SETD9: variants seen among roughly 807,000 people sequenced by gnomAD.
SETD9 encodes the protein SET domain-containing protein 9.
In SETD9, 37 loss-of-function variants were observed where a neutral mutation model predicts 36.4. The observed-to-expected ratio is 1.02, with a 90% confidence interval of 0.78 to 1.34. The LOEUF (loss-of-function observed/expected upper bound fraction) is 1.34, where lower values mean the gene tolerates loss of function less well. SETD9 is among the 40% of genes most tolerant of loss of function. The pLI is 0.00. For missense variants in SETD9, 323 were observed against 353.2 expected (o/e 0.91, Z 0.69); for synonymous variants, 128 against 132.9 (o/e 0.96, Z 0.26).
At chr5:56,909,394 C>A (rs772316984), upstream of SETD9, 173 of 388,716 alleles carry the variant, frequency 4.5e-4, 1 homozygote, top group Admixed American at 8.1e-4. Context: ...AGCACCCGAG[C>A]GACCGGAGAA....
Position 56,913,121 on chromosome 5 carries a change from A to C in SETD9, c.577A>C (p.Lys193Gln). The C allele has an allele frequency of 1.2e-6, 2 of 1,614,098 alleles. No individual in the cohort carries two copies. Among genetic ancestry groups the C allele is most frequent in the Non-Finnish European group, 1.7e-6 (2 of 1,179,992 alleles). ...LIDGNDKGIS[K>Q]VVYRSCNGRD... ...TGATGGGAATGACAAAGGGATATCA[A>C]AAGTTGTGTACAGGTAAGTGATGCC... is the stretch of plus-strand genomic sequence containing the variant. Residue 193 changes from lysine to glutamine, a missense_variant, in exon 3 of 6, where the codon AAA (lysine) becomes CAA (glutamine). Lys to Gln is a moderately conservative substitution (Grantham distance 53, BLOSUM62 1). Coordinates refer to ENST00000285947, the MANE Select transcript of SETD9 (RefSeq NM_153706.4).
intron 1 of SETD9, chr5:56,910,054 G>A (rs912450460): frequency 1.5e-6 from 2 of 1,296,024 alleles, no homozygotes; most frequent in Non-Finnish European, 9.9e-7. Context: ...CTGCGCTGCC[G>A]GGCCCGCGAG....
intron 5 of SETD9, among the ~76,000 whole-genome samples, chr5:56,925,063 G>A (rs1749895816): frequency 6.6e-6 from 1 of 152,138 alleles, no homozygotes; most frequent in Non-Finnish European, 1.5e-5. Context: ...GGACATAACT[G>A]TTTACGGAAT....
At chr5:56,909,831 A>C in intron 1 of SETD9, 88 bp downstream of exon 1, 3 of 1,144,768 alleles carry the variant, frequency 2.6e-6, no homozygotes, top group Non-Finnish European at 3.5e-6. Context: ...GGAGAGCCTG[A>C]GGCTGACTGC....
chr5:56,913,428 G>C (rs1579812272), intron 3 of SETD9, among the ~76,000 whole-genome samples: 1 of 150,182 alleles, frequency 6.7e-6, no homozygotes, highest in African/African-American at 2.5e-5. Context: ...CTGTCGCCCA[G>C]GCTGGAGTGC....
Position 56,917,314 on chromosome 5 carries a change from G to C in SETD9, c.*412G>C, listed in dbSNP as rs1001679006. ...GTAAAAACTTTATTTTTACAGAATT[G>C]AGTAAAAAATACCTATTGTGTTGCC... On this transcript the variant is annotated 3_prime_UTR_variant, in exon 6 of 6. Coordinates refer to ENST00000285947, the MANE Select transcript of SETD9 (RefSeq NM_153706.4). The C allele has an allele frequency of 2.0e-6, 2 of 988,682 alleles. No homozygotes were observed. The highest frequency in any genetic ancestry group is 3.5e-5 in the African/African-American group (2 of 57,234). 61.2% of individuals were successfully genotyped at this position (988,682 alleles called of 1,614,324 possible).
chr5:56,927,007 T>C (rs1386479210), downstream of SETD9, among the ~76,000 whole-genome samples: 1 of 152,166 alleles, frequency 6.6e-6, no homozygotes, highest in Admixed American at 6.5e-5. Flanking sequence ...GCATACTGTA[T>C]AATTCCAACT....
intron 5 of SETD9, chr5:56,922,910 A>G (rs933635599): frequency 3.7e-6 from 2 of 547,194 alleles, no homozygotes; most frequent in Non-Finnish European, 6.5e-6. Context: ...ACAGAGTTCA[A>G]TCTTAGTTCC....
chr5:56,910,053 CG>C, intron 1 of SETD9: 2 of 1,298,630 alleles, frequency 1.5e-6, no homozygotes, highest in Middle Eastern at 3.1e-4. Flanking sequence ...GCTGCGCTGC[CG>C]GGCCCGCGAG....
At chr5:56,923,442 T>C in intron 5 of SETD9, 1 of 1,614,176 alleles carries the variant, frequency 6.2e-7, no homozygotes, top group Admixed American at 1.7e-5. Context: ...CTTTCCCCAT[T>C]GCTGGGCAGG....
At chr5:56,924,297 G>A (rs1000029254) in intron 5 of SETD9, among the ~76,000 whole-genome samples, 2 of 151,964 alleles carry the variant, frequency 1.3e-5, no homozygotes, top group Non-Finnish European at 2.9e-5. Context: ...TATAAAACAA[G>A]TGTGTATCCA....
rs1749471427 is a variant in SETD9 at position 56,917,107 on chromosome 5, A to G, written c.*205A>G. Reference sequence around the variant, plus strand: ...GCTTCATTACAATTTCAAATTTGTAATGCAATTCCAAGTTTAATTGGTTTT... The same window carrying G: ...GCTTCATTACAATTTCAAATTTGTAGTGCAATTCCAAGTTTAATTGGTTTT... On this transcript the variant is annotated 3_prime_UTR_variant, in exon 6 of 6. Coordinates refer to ENST00000285947, the MANE Select transcript of SETD9 (RefSeq NM_153706.4). 8.0e-7 allele frequency: 1 copy of G among 1,246,060 alleles called. No homozygotes were observed. The highest frequency in any genetic ancestry group is 1.6e-5 in the African/African-American group (1 of 63,152). 77.2% of individuals were successfully genotyped at this position (1,246,060 alleles called of 1,614,324 possible). A position where few individuals can be genotyped will look rare whatever the true frequency, so the allele number is the denominator to read the frequency against.
At chr5:56,925,028 A>G (rs1749893831) in intron 5 of SETD9, among the ~76,000 whole-genome samples, 1 of 152,230 alleles carries the variant, frequency 6.6e-6, no homozygotes, top group Non-Finnish European at 1.5e-5. Flanking sequence ...AGTGCCTAAA[A>G]CAATGTCTGG....
At chr5:56,909,520 G>A, upstream of SETD9, 3 of 639,286 alleles carry the variant, frequency 4.7e-6, no homozygotes, top group East Asian at 6.5e-5. Context: ...GCGGTGCCAG[G>A]AACACTGAGA....
intron 5 of SETD9, among the ~76,000 whole-genome samples, chr5:56,915,991 T>C (rs1345125967): frequency 6.6e-6 from 1 of 151,672 alleles, no homozygotes; most frequent in South Asian, 2.1e-4. Flanking sequence ...AACCAAAAAC[T>C]TGATAACTTT....
downstream of SETD9, chr5:56,928,206 G>C (rs1446127809): frequency 6.6e-6 from 1 of 152,194 alleles, no homozygotes; most frequent in Non-Finnish European, 1.5e-5. Context: ...CAACGCATTT[G>C]GGTAAATGCC....
intron 2 of SETD9, 21 bp from the exon 3 acceptor site, chr5:56,912,990 C>A: frequency 1.2e-6 from 2 of 1,606,682 alleles, no homozygotes; most frequent in Non-Finnish European, 1.7e-6. Flanking sequence ...TATCATATTT[C>A]TTTGTCTTGT....
chr5:56,918,783 T>G (rs1749530367), downstream of SETD9, among the ~76,000 whole-genome samples: 1 of 152,162 alleles, frequency 6.6e-6, no homozygotes, highest in Non-Finnish European at 1.5e-5. Context: ...GTACAAACTT[T>G]GGATATTATG....
chr5:56,927,109 A>G (rs910849142), downstream of SETD9, among the ~76,000 whole-genome samples: 2 of 149,494 alleles, frequency 1.3e-5, no homozygotes, highest in Non-Finnish European at 3.0e-5. Context: ...GACAGAGGGA[A>G]GAATAAAACA....
Sources: gnomAD v4.1 joint callset for allele counts (sites outside exome capture counted in the v4.1 genomes callset) on GRCh38, gnomAD v4.1.1 for gene constraint, MANE v1.5 for transcripts, NCBI Gene and HGNC (gene_info 2026-07-23, HGNC 2026-07-21) for gene names.